Variants in ADGRL2 observed in about 807,000 individuals in gnomAD.
ADGRL2 encodes the protein calcium-independent alpha-latrotoxin receptor 2.
A neutral mutation model predicts 157.4 loss-of-function variants in ADGRL2; 44 were observed. The ratio of observed to expected loss-of-function variants is 0.28; its 90% confidence interval spans 0.22 to 0.36. The LOEUF (loss-of-function observed/expected upper bound fraction) is 0.36. Ranked by LOEUF, ADGRL2 falls within the 10% of genes least tolerant of loss-of-function variation. The pLI is 1.00. For missense variants in ADGRL2, 1,510 were observed against 1,768.9 expected, an observed-to-expected ratio of 0.85 and a Z score of 2.63; for synonymous variants, 585 against 624.7, an observed-to-expected ratio of 0.94 and a Z score of 0.95.
At position 81,401,999 on chromosome 1, in the gene ADGRL2, G is replaced by GTT. The variant is rs1407708915; in HGVS notation, c.-301-43035_-301-43034dup. Among the ~76,000 whole-genome samples the GTT allele has an allele frequency of 3.0e-3, 450 of 152,226 alleles. 3 individuals carry two copies. Among genetic ancestry groups the GTT allele is most frequent in the African/African-American group, 0.01 (426 of 41,528 alleles). The stretch of plus-strand genomic sequence containing the variant: ...TTAGTAATTGTTTGTTTGTTTGTTT[G>GTT]TTTGTTTTGCAATTCCAAGAGATGT... On this transcript the variant is annotated intron_variant, in intron 1 of 24. Transcript: ENST00000370721.
intron 2 of ADGRL2, among the ~76,000 whole-genome samples, chr1:81,858,810 G>A (rs146262362): frequency 9.9e-5 from 15 of 152,122 alleles, no homozygotes; most frequent in African/African-American, 2.2e-4. Flanking sequence ...ATTTTTTCCC[G>A]GATGTAATAT....
chr1:81,718,553 G>A (rs573194960), intron 1 of ADGRL2, among the ~76,000 whole-genome samples: 2 of 152,226 alleles, frequency 1.3e-5, no homozygotes, highest in African/African-American at 4.8e-5. Context: ...GTGGTTTGCA[G>A]ACTGTCCTGT....
chr1:81,913,900 A>G (rs956112189), intron 3 of ADGRL2, among the ~76,000 whole-genome samples: 1 of 152,144 alleles, frequency 6.6e-6, no homozygotes, highest in Non-Finnish European at 1.5e-5. Flanking sequence ...CAGTTTTGCT[A>G]TCTAGACTTT....
chr1:81,408,555 G>A (rs1436125021), intron 1 of ADGRL2, among the ~76,000 whole-genome samples: 1 of 152,132 alleles, frequency 6.6e-6, no homozygotes, highest in East Asian at 1.9e-4. Context: ...TCTGCTGTTC[G>A]CGTGCCTAGA....
At chr1:81,308,903 C>T (rs2100532626) in intron 1 of ADGRL2, among the ~76,000 whole-genome samples, 2 of 152,270 alleles carry the variant, frequency 1.3e-5, no homozygotes, top group East Asian at 3.9e-4. Context: ...AGACAAGTTA[C>T]ATTTTACTCC....
At chr1:81,658,659 C>T (rs1172918708) in intron 3 of ADGRL2, among the ~76,000 whole-genome samples, 16 of 152,184 alleles carry the variant, frequency 1.1e-4, no homozygotes, top group Admixed American at 1.0e-3. Flanking sequence ...TAAGTGAGAA[C>T]ATGCAGTATT....
intron 2 of ADGRL2, among the ~76,000 whole-genome samples, chr1:81,570,287 G>A (rs189743781): frequency 2.6e-5 from 4 of 152,232 alleles, no homozygotes; most frequent in African/African-American, 9.6e-5. Flanking sequence ...TTTTTTGTCT[G>A]TACTTACTGA....
chr1:81,986,107 T>G (rs1663066549), intron 21 of ADGRL2, among the ~76,000 whole-genome samples: 1 of 152,086 alleles, frequency 6.6e-6, no homozygotes, highest in African/African-American at 2.4e-5. Context: ...TTTAAGATAT[T>G]TTTATCCAAA....
chr1:81,688,976 C>T (rs2083281504), intron 3 of ADGRL2, among the ~76,000 whole-genome samples: 1 of 152,156 alleles, frequency 6.6e-6, no homozygotes, highest in South Asian at 2.1e-4. Flanking sequence ...TACCCAGCTC[C>T]ACGCTGGTAC....
intron 2 of ADGRL2, among the ~76,000 whole-genome samples, chr1:81,451,163 C>T (rs945673461): frequency 1.3e-5 from 2 of 152,070 alleles, no homozygotes; most frequent in Admixed American, 6.6e-5. Flanking sequence ...TCTTGTTTCT[C>T]AAATCTTTAT....
chr1:81,546,897 G>C (rs560346509), intron 2 of ADGRL2, among the ~76,000 whole-genome samples: 5 of 152,196 alleles, frequency 3.3e-5, no homozygotes, highest in Admixed American at 1.3e-4. Flanking sequence ...CATCCCCAAG[G>C]CATTCTGAAG....
At chr1:81,719,001 A>T in intron 1 of ADGRL2, among the ~76,000 whole-genome samples, 1 of 152,368 alleles carries the variant, frequency 6.6e-6, no homozygotes, top group South Asian at 2.1e-4. Context: ...CTCTGTAGTT[A>T]TTAACCCTTA....
chr1:81,599,620 T>C (rs2081299086), intron 3 of ADGRL2, among the ~76,000 whole-genome samples: 1 of 152,240 alleles, frequency 6.6e-6, no homozygotes, highest in Non-Finnish European at 1.5e-5. Context: ...TTAATAATTA[T>C]TAGTTAAAAT....
chr1:81,537,908 C>A (rs952981417), intron 2 of ADGRL2, among the ~76,000 whole-genome samples: 9 of 152,098 alleles, frequency 5.9e-5, no homozygotes, highest in Admixed American at 5.2e-4. Context: ...CCATGTTGGC[C>A]AAGCTGGTCT....
At chr1:81,322,531 C>T (rs1660598077) in intron 1 of ADGRL2, among the ~76,000 whole-genome samples, 1 of 151,832 alleles carries the variant, frequency 6.6e-6, no homozygotes, top group Non-Finnish European at 1.5e-5. Context: ...TAATATGCAC[C>T]AGTGGTGATA....
chr1:81,691,851 C>CATAT (rs371071574), intron 3 of ADGRL2, among the ~76,000 whole-genome samples: 1 of 106,096 alleles, frequency 9.4e-6, no homozygotes, highest in South Asian at 2.9e-4. Flanking sequence ...GGCAAAATGG[C>CATAT]ATATATATAT....
chr1:81,781,180 T>A (rs1339422128), intron 2 of ADGRL2, among the ~76,000 whole-genome samples: 2 of 152,264 alleles, frequency 1.3e-5, no homozygotes, highest in East Asian at 3.9e-4. Flanking sequence ...AGCTACACAG[T>A]ATGTTTGTTG....
intron 1 of ADGRL2, among the ~76,000 whole-genome samples, chr1:81,322,947 T>A (rs1433189705): frequency 6.6e-6 from 1 of 151,348 alleles, no homozygotes; most frequent in Non-Finnish European, 1.5e-5. Flanking sequence ...AACCTCCCAC[T>A]CTTTGGTTCA....
intron 2 of ADGRL2, among the ~76,000 whole-genome samples, chr1:81,903,022 T>C (rs1023973431): frequency 6.6e-6 from 1 of 152,258 alleles, no homozygotes; most frequent in Non-Finnish European, 1.5e-5. Context: ...GAATAGCATG[T>C]GTACTTGATT....
Sources: allele counts gnomAD v4.1 joint callset (sites outside exome capture counted in the v4.1 genomes callset), GRCh38; gene constraint gnomAD v4.1.1; transcripts MANE v1.5; gene names NCBI Gene and HGNC (gene_info 2026-07-23, HGNC 2026-07-21).